The following PCM1 variants were observed in gnomAD, a reference collection of about 807,000 sequenced individuals.
PCM1 encodes pericentriolar material 1 protein.
In PCM1, 157 loss-of-function variants were observed where a neutral mutation model predicts 241.9. The observed-to-expected ratio is 0.65, with a 90% CI of 0.57 to 0.74. The LOEUF is 0.74. Ranked by LOEUF, PCM1 falls within the 30% of genes least tolerant of loss-of-function variation. The pLI is 0.00. For synonymous variants in PCM1, 1,085 were observed against 784.9 expected, an observed-to-expected ratio of 1.38 and a Z score of -6.39; for missense variants, 3,478 against 2,360.1, an observed-to-expected ratio of 1.47 and a Z score of -9.81.
intron 36 of PCM1, among the ~76,000 whole-genome samples, chr8:18,018,211 A>G (rs1003601746): frequency 3.3e-5 from 5 of 152,204 alleles, no homozygotes; most frequent in African/African-American, 4.8e-5. Context: ...CTCTGGAAGG[A>G]AAGTTAATTT....
intron 29 of PCM1, among the ~76,000 whole-genome samples, chr8:17,994,262 C>G (rs1192629420): frequency 6.6e-6 from 1 of 152,160 alleles, no homozygotes; most frequent in Non-Finnish European, 1.5e-5. Context: ...TTAGCTCCCA[C>G]AAGTAAGTGA....
rs747339958 is a variant in PCM1, at chr8:18,011,305, A to G, written c.5289A>G (p.Val1763=). Reference sequence around the variant, plus strand: ...AGGTGTATGATGGTCCCAAAAATGTAAGATCTGATATTTCTGATCAAGAGG... The same window carrying G: ...AGGTGTATGATGGTCCCAAAAATGTGAGATCTGATATTTCTGATCAAGAGG... ...TSEVYDGPKN[V]RSDISDQEED... is the part of the protein sequence containing the mutation. Residue 1763 remains valine, a synonymous_variant, in exon 33 of 39, where the codon GTA becomes GTG. Transcript: ENST00000325083. 5 of 1,607,634 alleles carry G rather than the reference A, an allele frequency of 3.1e-6. No individual in the cohort carries two copies. Among genetic ancestry groups the G allele is most frequent in the Admixed American group, 1.7e-5 (1 of 59,016 alleles).
In PCM1 at chr8:17,955,522, T is replaced by C. The variant is rs2067908659; in HGVS notation, c.1341T>C (p.Ser447=). The change falls in exon 10 of 39, where the codon TCT becomes TCC. Residue 447 remains serine, a synonymous_variant. Coordinates refer to ENST00000325083, the MANE Select transcript of PCM1 (RefSeq NM_006197.4). The part of the protein sequence containing the change: ...DQRSTSAPSA[S]VGLAPVVNGE... ...GAAGTACTTCAGCTCCCTCTGCTTC[T>C]GTAGGCTTGGCACCGGTTGTCAATG... The C allele has an allele frequency of 1.9e-6, 3 of 1,613,812 alleles. No homozygotes were observed. Among genetic ancestry groups the C allele is most frequent in the South Asian group, 1.1e-5 (1 of 91,018 alleles).
chr8:17,985,659 A>G (rs1184498789), intron 25 of PCM1, 40 bp downstream of exon 25: 1 of 1,445,486 alleles, frequency 6.9e-7, no homozygotes. Context: ...CCCTATTATC[A>G]CCTTCTTCAT....
At chr8:18,012,786 CTTTTCCTT>C (rs1299530109) in intron 34 of PCM1, among the ~76,000 whole-genome samples, 4 of 152,122 alleles carry the variant, frequency 2.6e-5, no homozygotes, top group Non-Finnish European at 4.4e-5. Context: ...ATTTTCTCCT[CTTTTCCTT>C]ATCTTTTGGT....
chr8:17,932,674 G>A (rs1004105111), intron 2 of PCM1, among the ~76,000 whole-genome samples: 2 of 151,168 alleles, frequency 1.3e-5, no homozygotes, highest in African/African-American at 4.9e-5. Flanking sequence ...AGCACACTTA[G>A]GAATTTACTT....
At position 17,947,500 on chromosome 8, in the gene PCM1, T is replaced by A. The variant is rs897450149; in HGVS notation, c.961+137T>A. The A allele has an allele frequency of 8.0e-6, 5 of 627,212 alleles. No individual in the cohort carries two copies. The South Asian group carries it at 9.6e-5, about 12-fold the overall frequency. 38.9% of individuals were successfully genotyped at this position (627,212 alleles called of 1,614,324 possible). On this transcript the variant is annotated intron_variant, in intron 7 of 38. Transcript: ENST00000325083. ...AAACCTTCATATGAGGCTTATACTT[T>A]CCTGTGCTTTTCTCTGGTTATGCAG... is the stretch of plus-strand genomic sequence containing the variant.
In PCM1 at chr8:17,974,306, A is replaced by G. The variant is rs184171857; in HGVS notation, c.3943+1619A>G. On this transcript the variant is annotated intron_variant, in intron 23 of 38. Coordinates refer to ENST00000325083, the MANE Select transcript of PCM1 (RefSeq NM_006197.4). Reference sequence around the variant, plus strand: ...GCCGTTAGGCAACTCAGAACTTTCTATTTCCTAGTGCTTTGCCCTCACAGA... The same window carrying G: ...GCCGTTAGGCAACTCAGAACTTTCTGTTTCCTAGTGCTTTGCCCTCACAGA... 1.6e-4 allele frequency among the ~76,000 whole-genome samples: 24 copies of G among 152,322 alleles called. No homozygotes were observed. The East Asian group carries it at 3.1e-3, about 20-fold the overall frequency.
chr8:17,972,216 C>T, intron 22 of PCM1, 113 bp from the exon 23 acceptor site: 2 of 525,400 alleles, frequency 3.8e-6, no homozygotes, highest in South Asian at 5.3e-5. Context: ...TTTTTATAGC[C>T]TGTTGACAAT....
intron 29 of PCM1, among the ~76,000 whole-genome samples, chr8:18,005,758 G>T (rs2091114819): frequency 6.6e-6 from 1 of 152,128 alleles, no homozygotes; most frequent in African/African-American, 2.4e-5. Context: ...GTGGTGTAGG[G>T]AGGAGGTGTT....
chr8:18,006,114 A>G lies in PCM1; in HGVS notation c.4828-149A>G, dbSNP rs1043591960. On this transcript the variant is annotated intron_variant, in intron 29 of 38. Transcript: ENST00000325083. ...ATAAAGTAGGAGTTTGGCTTTTCTT[A>G]TGAATGGATATTTCTAAACAGACAT... The G allele has an allele frequency of 2.5e-5, 17 of 671,524 alleles. No individual in the cohort carries two copies. In the African/African-American group the frequency reaches 2.9e-4, roughly 11 times the overall value. The allele number at this position is 671,524 out of a possible 1,614,324, so 41.6% of individuals were successfully genotyped here. A position where few individuals can be genotyped will look rare whatever the true frequency, so the allele number is the denominator to read the frequency against.
intron 29 of PCM1, among the ~76,000 whole-genome samples, chr8:17,997,985 G>T (rs529958605): frequency 1.5e-4 from 23 of 150,740 alleles, no homozygotes; most frequent in Non-Finnish European, 3.4e-4. Context: ...GCAGTGAGCC[G>T]AGATTGTGCC....
chr8:17,942,241 C>T (rs1310476626), intron 6 of PCM1, among the ~76,000 whole-genome samples: 4 of 152,054 alleles, frequency 2.6e-5, no homozygotes, highest in East Asian at 1.9e-4. Context: ...CTGAGGTGGG[C>T]GGATCACCTG....
intron 36 of PCM1, among the ~76,000 whole-genome samples, chr8:18,019,153 G>C (rs553970440): frequency 2.0e-5 from 3 of 152,110 alleles, no homozygotes; most frequent in African/African-American, 7.2e-5. Flanking sequence ...GGACTGTAGT[G>C]CCACAGGGGT....
rs1293612325 is a variant in PCM1 at position 17,980,739 on chromosome 8, T to A, written c.4092T>A (p.Ser1364=). 1 of 1,608,278 alleles carries A rather than the reference T, an allele frequency of 6.2e-7. No homozygotes were observed. Among genetic ancestry groups the A allele is most frequent in the Non-Finnish European group, 8.5e-7 (1 of 1,178,046 alleles). Residue 1364 remains serine (S), a synonymous_variant, in exon 24 of 39, where the codon TCT becomes TCA. Coordinates refer to ENST00000325083, the MANE Select transcript of PCM1 (RefSeq NM_006197.4). ...AAAAAATAATAAAATGTAATAGGTC[T>A]ACAGAAATATCTTCAGGTATGTTCT... The part of the protein sequence containing the change: ...QLEKIIKCNR[S]TEISSETGSD...
chr8:17,941,499 C>G (rs138975076), intron 6 of PCM1, among the ~76,000 whole-genome samples: 120 of 148,716 alleles, frequency 8.1e-4, no homozygotes, highest in African/African-American at 2.9e-3. Flanking sequence ...TATACTGCTG[C>G]TTGGAGGGGG....
In PCM1 at chr8:17,968,728, A is replaced by ATGTG. The variant is rs1298559791; in HGVS notation, c.3413-848_3413-847insGTGT. Among the ~76,000 whole-genome samples the ATGTG allele has an allele frequency of 3.4e-3, 332 of 97,106 alleles. 1 individual carries two copies. Among genetic ancestry groups the ATGTG allele is most frequent in the Non-Finnish European group, 4.2e-3 (200 of 47,300 alleles). 63.7% of individuals were successfully genotyped at this position (97,106 alleles called of 152,430 possible). A position where few individuals can be genotyped will look rare whatever the true frequency, so the allele number is the denominator to read the frequency against. ...GCAATGTGTATATATATGGATGTAT[A>ATGTG]TATGTGTGTGTGTGTGTGTGTGTGT... On this transcript the variant is annotated intron_variant, in intron 21 of 38. Transcript: ENST00000325083.
At chr8:17,975,855 T>TA (rs1438140974) in intron 23 of PCM1, among the ~76,000 whole-genome samples, 1 of 152,166 alleles carries the variant, frequency 6.6e-6, no homozygotes, top group Non-Finnish European at 1.5e-5. Flanking sequence ...AATTATGTAA[T>TA]AATCGTATTT....
In PCM1 at chr8:18,014,007, T is replaced by C. The variant is rs543184932; in HGVS notation, c.5555T>C (p.Val1852Ala). 28 of 1,603,058 alleles carry C rather than the reference T, an allele frequency of 1.7e-5. No homozygotes were observed. The highest frequency in any genetic ancestry group is 1.5e-4 in the African/African-American group (11 of 74,216). ...DFKKTAESKNVPLEREATSKN... is the reference protein window; with the variant it reads ...DFKKTAESKNAPLEREATSKN... ...AAAAAGACAGCAGAAAGCAAAAATG[T>C]CCCATTGGAACGAGAAGCCACTAGT... Residue 1852 changes from valine to alanine, a missense_variant, in exon 35 of 39, where the codon GTC becomes GCC. By Grantham distance (64) the Val-to-Ala change is moderately conservative. Coordinates refer to ENST00000325083, the MANE Select transcript of PCM1 (RefSeq NM_006197.4).
Sources: gnomAD v4.1 joint callset for allele counts (sites outside exome capture counted in the v4.1 genomes callset) on GRCh38, gnomAD v4.1.1 for gene constraint, MANE v1.5 for transcripts, NCBI Gene and HGNC (gene_info 2026-07-23, HGNC 2026-07-21) for gene names.